SUMF1: variants seen among roughly 807,000 people sequenced by gnomAD.
SUMF1 encodes the protein sulfatase modifying factor 1, also known as formylglycine-generating enzyme.
SUMF1 carries 48 observed loss-of-function variants against 47.6 expected under a neutral mutation model. That is an observed-to-expected ratio of 1.01 (90% CI 0.80 to 1.28). The LOEUF (loss-of-function observed/expected upper bound fraction) is 1.28, where lower values mean the gene tolerates loss of function less well. SUMF1 is among the 50% of genes most tolerant of loss of function. The pLI is 0.00. For synonymous variants in SUMF1, 230 were observed against 192.1 expected (o/e 1.20, Z -1.63); for missense variants, 571 against 485.4 (o/e 1.18, Z -1.66).
chr3:4,054,147 G>A (rs1409691308), intron 9 of SUMF1, among the ~76,000 whole-genome samples: 1 of 150,156 alleles, frequency 6.7e-6, no homozygotes, highest in Non-Finnish European at 1.5e-5. Context: ...ACCATTTGTT[G>A]AGCTGACACT....
intron 8 of SUMF1, among the ~76,000 whole-genome samples, chr3:4,181,192 G>C (rs1454958581): frequency 6.6e-6 from 1 of 152,116 alleles, no homozygotes; most frequent in Non-Finnish European, 1.5e-5. Flanking sequence ...TTGGTAAAGG[G>C]AACATTTTTT....
At chr3:4,067,148 A>G (rs1695397626) in intron 9 of SUMF1, among the ~76,000 whole-genome samples, 1 of 152,194 alleles carries the variant, frequency 6.6e-6, no homozygotes, top group South Asian at 2.1e-4. Context: ...CACTAGGACC[A>G]TGACTCTTTT....
rs577737320 is a variant in SUMF1, at chr3:4,242,874, G to C, written c.1014+133456C>G. Among the ~76,000 whole-genome samples, 5 of 152,290 alleles carry C rather than the reference G, an allele frequency of 3.3e-5. 1 individual carries two copies. The South Asian group carries it at 6.2e-4, about 19-fold the overall frequency. ...GTACCAGCTCCTCTTTGTACCTCTG[G>C]TAGAATTCGGGTGTGAATCCATCTG... is the stretch of plus-strand genomic sequence containing the variant. On this transcript the variant is annotated intron_variant and NMD_transcript_variant, in intron 8 of 12. Transcript: ENST00000448413.
intron 1 of SUMF1, among the ~76,000 whole-genome samples, chr3:4,454,267 T>A (rs1208714610): frequency 6.6e-6 from 1 of 152,242 alleles, no homozygotes; most frequent in African/African-American, 2.4e-5. Context: ...CACAGCTCTA[T>A]TCCCAACACT....
intron 8 of SUMF1, among the ~76,000 whole-genome samples, chr3:4,310,595 A>G (rs529154227): frequency 3.5e-4 from 54 of 152,350 alleles, no homozygotes; most frequent in East Asian, 1.2e-3. Context: ...GCTACTGTCT[A>G]TAAGTCCCTG....
At chr3:4,460,883 G>C (rs1395130110) in intron 1 of SUMF1, among the ~76,000 whole-genome samples, 1 of 151,760 alleles carries the variant, frequency 6.6e-6, no homozygotes, top group Non-Finnish European at 1.5e-5. Context: ...TCCAACTTCT[G>C]AGTTCAAGTG....
At chr3:4,162,335 T>A (rs1694598535) in intron 8 of SUMF1, among the ~76,000 whole-genome samples, 2 of 152,188 alleles carry the variant, frequency 1.3e-5, no homozygotes, top group South Asian at 4.1e-4. Flanking sequence ...CTAGGTTGCA[T>A]GTCCCCCAGA....
chr3:4,232,826 T>C (rs1019063267), intron 8 of SUMF1, among the ~76,000 whole-genome samples: 1 of 152,120 alleles, frequency 6.6e-6, no homozygotes, highest in African/African-American at 2.4e-5. Flanking sequence ...GGGATTCCAA[T>C]GCAGGTGTTA....
In SUMF1 at chr3:4,087,547, T is replaced by C. The variant is rs185582167; in HGVS notation, c.1015-18802A>G. 7.2e-5 allele frequency among the ~76,000 whole-genome samples: 11 copies of C among 152,226 alleles called. 1 individual carries two copies. Among genetic ancestry groups the C allele is most frequent in the African/African-American group, 2.6e-4 (11 of 41,536 alleles). On this transcript the variant is annotated intron_variant and NMD_transcript_variant, in intron 8 of 12. Coordinates refer to the SUMF1 transcript ENST00000448413. ...CTGAGGATTCTTAAAAATTAAACTA[T>C]ATTTTTCCAAAAAGTAAAATAGTAA...
chr3:4,094,349 C>T (rs1692854065), intron 8 of SUMF1, among the ~76,000 whole-genome samples: 1 of 151,946 alleles, frequency 6.6e-6, no homozygotes, highest in African/African-American at 2.4e-5. Context: ...ATAGATCATG[C>T]CCTCATGAAC....
chr3:4,071,509 C>T (rs1284173228), intron 8 of SUMF1, among the ~76,000 whole-genome samples: 2 of 152,232 alleles, frequency 1.3e-5, no homozygotes, highest in African/African-American at 4.8e-5. Flanking sequence ...GTGCCTGGCT[C>T]AGCAGGTCCC....
At chr3:4,449,451 G>A (rs755941720) in intron 2 of SUMF1, 111 bp from the exon 3 acceptor site, 23 of 1,119,996 alleles carry the variant, frequency 2.1e-5, no homozygotes, top group Non-Finnish European at 3.1e-5. Context: ...AATTGAACTT[G>A]AGTCTTTCTT....
At chr3:4,193,115 CATA>C (rs1695355380) in intron 8 of SUMF1, among the ~76,000 whole-genome samples, 2 of 152,046 alleles carry the variant, frequency 1.3e-5, no homozygotes, top group Admixed American at 1.3e-4. Context: ...CTGCAATGAT[CATA>C]ATGTTCTATA....
intron 7 of SUMF1, among the ~76,000 whole-genome samples, chr3:4,398,246 G>T (rs1391150048): frequency 1.3e-5 from 2 of 152,166 alleles, no homozygotes; most frequent in East Asian, 1.9e-4. Context: ...AAAGAGGATT[G>T]TGTCTGTTAG....
At chr3:4,384,583 T>C (rs1700609576) in intron 7 of SUMF1, among the ~76,000 whole-genome samples, 1 of 152,234 alleles carries the variant, frequency 6.6e-6, no homozygotes, top group Non-Finnish European at 1.5e-5. Flanking sequence ...TCATACAGTA[T>C]GTAAACTTTT....
At chr3:4,255,639 G>T (rs1410432431) in intron 8 of SUMF1, among the ~76,000 whole-genome samples, 1 of 132,434 alleles carries the variant, frequency 7.6e-6, no homozygotes, top group Admixed American at 7.6e-5. Context: ...CCTACAAAGA[G>T]ACTTAGACTA....
chr3:4,351,642 G>C (rs998100793), intron 8 of SUMF1, among the ~76,000 whole-genome samples: 3 of 152,142 alleles, frequency 2.0e-5, no homozygotes, highest in Admixed American at 2.0e-4. Context: ...CTAAAAAAAA[G>C]TCCATTTCTT....
chr3:4,237,885 C>G (rs1487797317), intron 8 of SUMF1, among the ~76,000 whole-genome samples: 1 of 152,132 alleles, frequency 6.6e-6, no homozygotes, highest in African/African-American at 2.4e-5. Flanking sequence ...CACCCATCAA[C>G]TCATCATCTA....
intron 8 of SUMF1, among the ~76,000 whole-genome samples, chr3:4,306,689 A>G (rs550978280): frequency 6.6e-6 from 1 of 152,378 alleles, no homozygotes; most frequent in East Asian, 1.9e-4. Flanking sequence ...ATGGAACACA[A>G]AACCAGTCTT....
Sources: allele counts gnomAD v4.1 joint callset (sites outside exome capture counted in the v4.1 genomes callset), GRCh38; gene constraint gnomAD v4.1.1; transcripts MANE v1.5; gene names NCBI Gene and HGNC (gene_info 2026-07-23, HGNC 2026-07-21).